Variants in ANKAR observed in about 807,000 individuals in gnomAD.
ANKAR encodes the protein ankyrin and armadillo repeat containing.
ANKAR carries 136 observed loss-of-function variants against 146.2 expected under a neutral mutation model. The observed-to-expected ratio is 0.93, with a 90% CI of 0.81 to 1.07. The LOEUF (loss-of-function observed/expected upper bound fraction) is 1.07, where lower values mean the gene tolerates loss of function less well. Among genes scored for constraint, ANKAR ranks in the 50% least tolerant of loss-of-function variants. The probability of loss-of-function intolerance (pLI) is 0.00; values close to 1 mark genes in which losing one functional copy is unlikely to be tolerated. For synonymous variants in ANKAR, 500 were observed against 575.8 expected (o/e 0.87, Z 1.88); for missense variants, 1,567 against 1,679.9 (o/e 0.93, Z 1.18).
Position 189,699,934 on chromosome 2 carries a change from G to A in ANKAR, c.1708+3565G>A, listed in dbSNP as rs577873349. On this transcript the variant is annotated intron_variant, in intron 7 of 22. Transcript: ENST00000684021. Reference sequence around the variant, plus strand: ...ACCCACCTCGGCCTCCCAAAGTGCTGAGATTACAGGCGTGAGCCACTGCAC... The same window carrying A: ...ACCCACCTCGGCCTCCCAAAGTGCTAAGATTACAGGCGTGAGCCACTGCAC... Among the ~76,000 whole-genome samples the A allele has an allele frequency of 7.4e-4, 112 of 152,242 alleles. 1 individual carries two copies. Among genetic ancestry groups the A allele is most frequent in the Non-Finnish European group, 1.1e-3 (75 of 67,998 alleles).
downstream of ANKAR, chr2:189,747,239 T>A (rs2044264298): frequency 6.8e-6 from 1 of 146,880 alleles, no homozygotes; most frequent in South Asian, 2.1e-4. Flanking sequence ...TTCAAGAGGC[T>A]AAGGCAGGAG....
intron 1 of ANKAR, among the ~76,000 whole-genome samples, chr2:189,675,790 C>T (rs925420755): frequency 3.3e-5 from 5 of 152,072 alleles, no homozygotes; most frequent in Non-Finnish European, 5.9e-5. Flanking sequence ...GGGCTTGGTG[C>T]GAGGTGTTTG....
rs748650294 is a variant in ANKAR at position 189,728,149 on chromosome 2, T to C, written c.2877+52T>C. The C allele has an allele frequency of 3.9e-6, 6 of 1,538,208 alleles. No homozygotes were observed. The African/African-American group carries it at 5.5e-5, about 14-fold the overall frequency. On this transcript the variant is annotated intron_variant, in intron 13 of 22. Coordinates refer to ENST00000684021, the MANE Select transcript of ANKAR (RefSeq NM_001378068.1). ...TTTTCTTAGATGATGTTTTCTATTT[T>C]GAATTGTTAAGTGAATAGAAAAACT... is the stretch of plus-strand genomic sequence containing the variant.
intron 2 of ANKAR, among the ~76,000 whole-genome samples, chr2:189,687,225 T>C (rs1304432020): frequency 6.6e-6 from 1 of 152,166 alleles, no homozygotes; most frequent in Non-Finnish European, 1.5e-5. Flanking sequence ...TATGCAAAGT[T>C]TGTCTTTCTG....
At chr2:189,708,122 A>C (rs1009021358) in intron 9 of ANKAR, among the ~76,000 whole-genome samples, 3 of 152,194 alleles carry the variant, frequency 2.0e-5, no homozygotes, top group Non-Finnish European at 4.4e-5. Flanking sequence ...TCCAGAATGG[A>C]ACTGTGCATC....
In ANKAR at chr2:189,754,535, C is replaced by T. The variant is rs1043737236; in HGVS notation, c.*585-6563C>T. On this transcript the variant is annotated intron_variant and NMD_transcript_variant, in intron 18 of 18. Transcript: ENST00000441800. ...GACAACCCTGTTCCTTATGATGACC[C>T]GAACAATAAGAGGCCAATCACTGCC... 1.3e-5 allele frequency: 7 copies of T among 555,552 alleles called. No homozygotes were observed. In the East Asian group the frequency reaches 1.5e-4, roughly 12 times the overall value. The allele number at this position is 555,552 out of a possible 1,614,324, so 34.4% of individuals were successfully genotyped here.
At chr2:189,718,813 A>C (rs987808979) in intron 10 of ANKAR, among the ~76,000 whole-genome samples, 1 of 147,788 alleles carries the variant, frequency 6.8e-6, no homozygotes, top group African/African-American at 2.5e-5. Context: ...GCAGTGGCGC[A>C]ATCTCGGCTC....
At position 189,746,443 on chromosome 2, in the gene ANKAR, C is replaced by G. The variant is rs1311325489; in HGVS notation, c.4121C>G (p.Pro1374Arg). ...IQPKDSLTLL[P>R]PVTNFMGLFK... Reference sequence around the variant, plus strand: ...CCAAAAGATTCTTTGACTTTATTACCTCCTGTAACTAACTTCATGGGACTC... The same window carrying G: ...CCAAAAGATTCTTTGACTTTATTACGTCCTGTAACTAACTTCATGGGACTC... Residue 1374 changes from proline (P) to arginine (R), a missense_variant, in exon 23 of 23, where the codon CCT becomes CGT. Transcript: ENST00000684021. The G allele has an allele frequency of 3.1e-6, 5 of 1,611,472 alleles. No homozygotes were observed. Among genetic ancestry groups the G allele is most frequent in the Non-Finnish European group, 8.5e-7 (1 of 1,179,306 alleles).
rs1444289198 is a variant in ANKAR, at chr2:189,743,276, T to A, written c.3812T>A (p.Val1271Asp). The change falls in exon 21 of 23, where the codon GTT (valine) becomes GAT (aspartate). Residue 1271 changes from valine (V) to aspartate (D), a missense_variant and splice_region_variant. Transcript: ENST00000684021. ...AGAAAGAATTGTTTCTTCATTTAGG[T>A]TCGTGCAGCTTGTTCCTCTGCTCTT... ...CYHLYSGIEE[V>D]RAACSSALGY... 6.2e-7 allele frequency: 1 copy of A among 1,612,674 alleles called. No homozygotes were observed. The highest frequency in any genetic ancestry group is 1.7e-5 in the Admixed American group (1 of 59,954).
At chr2:189,752,762 A>C (rs1191365021) in intron 18 of ANKAR, 1 of 1,613,516 alleles carries the variant, frequency 6.2e-7, no homozygotes, top group Non-Finnish European at 8.5e-7. Context: ...AATAGCTCCA[A>C]GATCTGAAGG....
intron 15 of ANKAR, among the ~76,000 whole-genome samples, chr2:189,729,756 T>C (rs1298723822): frequency 1.1e-5 from 1 of 91,358 alleles, no homozygotes; most frequent in African/African-American, 3.0e-5. Flanking sequence ...GTGTTCTTTT[T>C]TCCTTCAAAC....
intron 8 of ANKAR, 24 bp from the exon 9 acceptor site, chr2:189,706,910 TTTAA>T (rs1454007496): frequency 2.5e-6 from 4 of 1,573,392 alleles, no homozygotes; most frequent in Non-Finnish European, 3.5e-6. Flanking sequence ...TCTATGCGTG[TTTAA>T]TTGTTATGTT....
intron 22 of ANKAR, among the ~76,000 whole-genome samples, chr2:189,745,075 C>T (rs549397694): frequency 3.2e-4 from 42 of 131,154 alleles, no homozygotes; most frequent in African/African-American, 1.3e-3. Flanking sequence ...CCTGTAATCC[C>T]AGCTACTTGG....
chr2:189,703,006 C>A (rs2038309444), intron 7 of ANKAR, among the ~76,000 whole-genome samples: 1 of 152,152 alleles, frequency 6.6e-6, no homozygotes, highest in African/African-American at 2.4e-5. Context: ...GTGCAACAGA[C>A]ATTGACCAGT....
chr2:189,705,539 G>A (rs1324512115), intron 8 of ANKAR, among the ~76,000 whole-genome samples: 1 of 152,154 alleles, frequency 6.6e-6, no homozygotes, highest in South Asian at 2.1e-4. Context: ...TGTTCCAGTA[G>A]TATGGTTCTG....
chr2:189,713,939 C>CA lies in ANKAR; in HGVS notation c.2224+2793dup, dbSNP rs545413609. Among the ~76,000 whole-genome samples the CA allele has an allele frequency of 5.4e-4, 82 of 151,858 alleles. 2 individuals are homozygous for CA. Among genetic ancestry groups the CA allele is most frequent in the African/African-American group, 1.7e-3 (70 of 41,418 alleles). ...GAAGATCTACCAAGCAAATGGAAAGCAAAAAAATAGCAGGGGTTGCCATCC... is the reference window on the plus strand; with the variant it reads ...GAAGATCTACCAAGCAAATGGAAAGCAAAAAAAATAGCAGGGGTTGCCATCC... On this transcript the variant is annotated intron_variant, in intron 10 of 22. Coordinates refer to ENST00000684021, the MANE Select transcript of ANKAR (RefSeq NM_001378068.1).
At chr2:189,707,241 A>G in intron 9 of ANKAR, 95 bp downstream of exon 9, 1 of 549,096 alleles carries the variant, frequency 1.8e-6, no homozygotes, top group Non-Finnish European at 2.9e-6. Context: ...TACATGCATT[A>G]TATTTTAAAT....
At position 189,689,511 on chromosome 2, in the gene ANKAR, C is replaced by T; in HGVS notation, c.602-16C>T. ...GAAATTTTCACTATCTAAAATTTTCCTTTTTTATCATGAAGGTTTGACTGA... is the reference window on the plus strand; with the variant it reads ...GAAATTTTCACTATCTAAAATTTTCTTTTTTTATCATGAAGGTTTGACTGA... On this transcript the variant is annotated splice_polypyrimidine_tract_variant and intron_variant, in intron 2 of 22. Coordinates refer to ENST00000684021, the MANE Select transcript of ANKAR (RefSeq NM_001378068.1). 1.3e-6 allele frequency: 2 copies of T among 1,525,370 alleles called. No individual in the cohort carries two copies. Among genetic ancestry groups the T allele is most frequent in the Non-Finnish European group, 1.8e-6 (2 of 1,141,754 alleles). 94.5% of individuals were successfully genotyped at this position (1,525,370 alleles called of 1,614,324 possible). A position where few individuals can be genotyped will look rare whatever the true frequency, so the allele number is the denominator to read the frequency against.
intron 16 of ANKAR, among the ~76,000 whole-genome samples, chr2:189,732,895 A>T (rs2042548250): frequency 6.6e-6 from 1 of 152,100 alleles, no homozygotes; most frequent in South Asian, 2.1e-4. Flanking sequence ...TGGTCCCTGA[A>T]CACAGAAAGG....
Sources: allele counts gnomAD v4.1 joint callset (sites outside exome capture counted in the v4.1 genomes callset), GRCh38; gene constraint gnomAD v4.1.1; transcripts MANE v1.5; gene names NCBI Gene and HGNC (gene_info 2026-07-23, HGNC 2026-07-21).